C12orf42: variants seen among roughly 807,000 people sequenced by gnomAD.
C12orf42 encodes uncharacterized protein C12orf42.
In C12orf42, 25 loss-of-function variants were observed where a neutral mutation model predicts 21.6. The ratio of observed to expected loss-of-function variants is 1.16; its 90% CI spans 0.84 to 1.62. The LOEUF (loss-of-function observed/expected upper bound fraction) is 1.62. Ranked by LOEUF, C12orf42 falls within the 40% of genes most tolerant of loss-of-function variation. C12orf42 has a pLI of 0.00. For missense variants in C12orf42, 483 were observed against 459.3 expected, an observed-to-expected ratio of 1.05 and a Z score of -0.47; for synonymous variants, 174 against 175.0, an observed-to-expected ratio of 0.99 and a Z score of 0.05.
chr12:103,147,024 C>T, the C12orf42 span, among the ~76,000 whole-genome samples: 1 of 152,146 alleles, frequency 6.6e-6, no homozygotes, highest in Non-Finnish European at 1.5e-5. Flanking sequence ...ATGGTCCAGA[C>T]CCTCATTTCT....
At chr12:103,336,079 T>C (rs545244945) in intron 4 of C12orf42, among the ~76,000 whole-genome samples, 2 of 152,328 alleles carry the variant, frequency 1.3e-5, no homozygotes, top group South Asian at 2.1e-4. Context: ...ATAAATACTT[T>C]ACTCTAAACA....
the C12orf42 span, among the ~76,000 whole-genome samples, chr12:103,509,961 C>T: frequency 1.5e-4 from 23 of 152,242 alleles, no homozygotes; most frequent in African/African-American, 4.6e-4. Flanking sequence ...CCTTAAAGAA[C>T]GAAAAGTAAA....
At chr12:103,523,134 T>C in the C12orf42 span, among the ~76,000 whole-genome samples, 1 of 152,222 alleles carries the variant, frequency 6.6e-6, no homozygotes, top group Non-Finnish European at 1.5e-5. Context: ...GAGCCCTCTC[T>C]TTTAAAGATG....
downstream of C12orf42, among the ~76,000 whole-genome samples, chr12:103,232,765 T>C (rs1400945924): frequency 6.6e-6 from 1 of 152,022 alleles, no homozygotes; most frequent in Non-Finnish European, 1.5e-5. Flanking sequence ...ATGTCTATGA[T>C]ACATTTTTAA....
At chr12:103,538,294 T>C in the C12orf42 span, among the ~76,000 whole-genome samples, 1 of 152,182 alleles carries the variant, frequency 6.6e-6, no homozygotes, top group African/African-American at 2.4e-5. Context: ...GCTGAAGAGG[T>C]AAAAGATTTG....
At chr12:103,107,877 T>C in the C12orf42 span, among the ~76,000 whole-genome samples, 1 of 151,424 alleles carries the variant, frequency 6.6e-6, no homozygotes, top group Non-Finnish European at 1.5e-5. Flanking sequence ...TAGTCAAAAT[T>C]AGAAAGTTTA....
At chr12:103,069,284 T>C in the C12orf42 span, among the ~76,000 whole-genome samples, 12 of 151,910 alleles carry the variant, frequency 7.9e-5, no homozygotes, top group Non-Finnish European at 1.8e-4. Context: ...CTTGGATATT[T>C]TAATCACAGT....
intron 3 of C12orf42, among the ~76,000 whole-genome samples, chr12:103,381,268 T>A (rs1342168984): frequency 6.6e-6 from 1 of 152,156 alleles, no homozygotes; most frequent in African/African-American, 2.4e-5. Flanking sequence ...GTATGGAGAA[T>A]CCAAAAGATC....
At chr12:103,508,628 C>T in the C12orf42 span, among the ~76,000 whole-genome samples, 56 of 152,194 alleles carry the variant, frequency 3.7e-4, no homozygotes, top group African/African-American at 1.3e-3. Context: ...ATCCTAGCAC[C>T]ATTTATTTAT....
At chr12:103,199,472 A>G in the C12orf42 span, among the ~76,000 whole-genome samples, 1 of 152,212 alleles carries the variant, frequency 6.6e-6, no homozygotes. Flanking sequence ...AGATAAGTCA[A>G]CCTAAAAGTC....
chr12:103,064,904 G>T, the C12orf42 span, among the ~76,000 whole-genome samples: 1 of 152,194 alleles, frequency 6.6e-6, no homozygotes, highest in Non-Finnish European at 1.5e-5. Flanking sequence ...CCAACTTACA[G>T]TGGGTCCAGT....
intron 4 of C12orf42, among the ~76,000 whole-genome samples, chr12:103,340,852 G>A (rs951412228): frequency 6.6e-6 from 1 of 152,110 alleles, no homozygotes; most frequent in Non-Finnish European, 1.5e-5. Flanking sequence ...AGTGGCTCAC[G>A]CCTGTAATCC....
At chr12:103,286,009 G>A (rs972768713) in intron 4 of C12orf42, among the ~76,000 whole-genome samples, 5 of 152,126 alleles carry the variant, frequency 3.3e-5, no homozygotes, top group African/African-American at 1.2e-4. Flanking sequence ...ACTTTGGGGG[G>A]GTGCCAAGGC....
the C12orf42 span, chr12:103,178,415 A>G: frequency 6.6e-6 from 1 of 152,196 alleles, no homozygotes; most frequent in Non-Finnish European, 1.5e-5. Flanking sequence ...TGTTTGGGTC[A>G]ATTGTCTTTT....
intron 2 of C12orf42, among the ~76,000 whole-genome samples, chr12:103,430,029 A>T (rs576682028): frequency 6.6e-6 from 1 of 152,322 alleles, no homozygotes; most frequent in Admixed American, 6.5e-5. Flanking sequence ...TAGAAAAATA[A>T]CTTAGGCAAT....
upstream of C12orf42, among the ~76,000 whole-genome samples, chr12:103,500,710 G>A (rs114968950): frequency 2.9e-3 from 440 of 152,310 alleles, 4 homozygotes; most frequent in African/African-American, 9.9e-3. Flanking sequence ...CACAATTGCC[G>A]CCAATAATAT....
the C12orf42 span, among the ~76,000 whole-genome samples, chr12:103,079,154 A>C: frequency 6.6e-6 from 1 of 152,020 alleles, no homozygotes; most frequent in African/African-American, 2.4e-5. Context: ...AAGTTTAAAA[A>C]TTACATCATG....
At chr12:103,529,382 C>A in the C12orf42 span, among the ~76,000 whole-genome samples, 1 of 152,204 alleles carries the variant, frequency 6.6e-6, no homozygotes, top group African/African-American at 2.4e-5. Flanking sequence ...TTTGTCCATT[C>A]CTGTAAATGC....
At chr12:103,274,248 A>C (rs2035633405) in intron 5 of C12orf42, among the ~76,000 whole-genome samples, 1 of 152,168 alleles carries the variant, frequency 6.6e-6, no homozygotes, top group Admixed American at 6.6e-5. Context: ...ATTCAAACTC[A>C]AGACAGTTTA....
Sources: allele counts gnomAD v4.1 joint callset (sites outside exome capture counted in the v4.1 genomes callset), GRCh38; gene constraint gnomAD v4.1.1; transcripts MANE v1.5; gene names NCBI Gene and HGNC (gene_info 2026-07-23, HGNC 2026-07-21).